Variants in CADM2 observed in about 807,000 individuals in gnomAD.
CADM2 encodes immunoglobulin superfamily member 4D.
A neutral mutation model predicts 49.8 loss-of-function variants in CADM2; 12 were observed. That is an observed-to-expected ratio of 0.24 (90% CI 0.15 to 0.39). CADM2 has a LOEUF of 0.39. CADM2 is among the 10% of genes least tolerant of loss of function. CADM2 has a pLI of 1.00. For synonymous variants in CADM2, 214 were observed against 175.4 expected (o/e 1.22, Z -1.74); for missense variants, 378 against 492.3 (o/e 0.77, Z 2.20).
chr3:85,960,738 G>T (rs1447298073), intron 7 of CADM2, among the ~76,000 whole-genome samples: 1 of 151,660 alleles, frequency 6.6e-6, no homozygotes. Flanking sequence ...CATATTTTGA[G>T]ATAGGGCTCC....
intron 8 of CADM2, among the ~76,000 whole-genome samples, chr3:86,051,289 C>T (rs1434983513): frequency 6.6e-6 from 1 of 152,120 alleles, no homozygotes; most frequent in Non-Finnish European, 1.5e-5. Flanking sequence ...GACCTTTGCT[C>T]CAGTTCCCAG....
chr3:85,226,089 G>A (rs748791639), intron 1 of CADM2, among the ~76,000 whole-genome samples: 36 of 152,160 alleles, frequency 2.4e-4, no homozygotes, highest in Non-Finnish European at 3.8e-4. Context: ...TGTTGTTGTT[G>A]TGTCTCTGCC....
chr3:85,198,643 G>A (rs1227609633), intron 1 of CADM2, among the ~76,000 whole-genome samples: 1 of 151,566 alleles, frequency 6.6e-6, no homozygotes, highest in African/African-American at 2.4e-5. Flanking sequence ...TTAATTTATG[G>A]TATACATTTT....
chr3:85,332,248 T>C (rs1416558593), intron 1 of CADM2, among the ~76,000 whole-genome samples: 1 of 152,074 alleles, frequency 6.6e-6, no homozygotes, highest in East Asian at 1.9e-4. Context: ...ATTTTTACTG[T>C]TGGATCCTGA....
At chr3:85,680,731 C>T (rs1383612414) in intron 1 of CADM2, among the ~76,000 whole-genome samples, 1 of 152,164 alleles carries the variant, frequency 6.6e-6, no homozygotes, top group Non-Finnish European at 1.5e-5. Flanking sequence ...CTAATTAGCA[C>T]TTTGTTCTTT....
At chr3:85,446,637 T>C (rs2037467869) in intron 1 of CADM2, among the ~76,000 whole-genome samples, 1 of 148,810 alleles carries the variant, frequency 6.7e-6, no homozygotes, top group Non-Finnish European at 1.5e-5. Flanking sequence ...AGTTTCATTC[T>C]TGTTGCCCAG....
chr3:85,562,478 C>CA (rs10533481), intron 1 of CADM2, among the ~76,000 whole-genome samples: 1,701 of 65,496 alleles, frequency 0.026, 218 homozygotes, highest in African/African-American at 0.1. Flanking sequence ...AACTCCATCT[C>CA]AAAAAAAAAA....
chr3:85,165,762 A>G (rs2040455333), intron 1 of CADM2, among the ~76,000 whole-genome samples: 1 of 151,734 alleles, frequency 6.6e-6, no homozygotes, highest in Admixed American at 6.6e-5. Flanking sequence ...ATTGATAACT[A>G]TTTTTCTCAG....
At chr3:85,198,947 C>T (rs954381983) in intron 1 of CADM2, among the ~76,000 whole-genome samples, 1 of 151,826 alleles carries the variant, frequency 6.6e-6, no homozygotes, top group Non-Finnish European at 1.5e-5. Flanking sequence ...ATTTATTTCT[C>T]CATATTTGAA....
At chr3:85,139,539 T>C (rs1014906386) in intron 1 of CADM2, among the ~76,000 whole-genome samples, 7 of 152,288 alleles carry the variant, frequency 4.6e-5, no homozygotes, top group Non-Finnish European at 8.8e-5. Context: ...TATTGATTTA[T>C]TTTGCCTTTA....
intron 8 of CADM2, among the ~76,000 whole-genome samples, chr3:86,041,946 G>T (rs138809415): frequency 6.6e-6 from 1 of 152,066 alleles, no homozygotes; most frequent in East Asian, 1.9e-4. Context: ...GCTCAACTAC[G>T]TGGAAGCTGA....
intron 1 of CADM2, among the ~76,000 whole-genome samples, chr3:85,495,231 C>T (rs1026945211): frequency 2.0e-5 from 3 of 152,116 alleles, no homozygotes; most frequent in African/African-American, 4.8e-5. Context: ...AGAGTGACGA[C>T]TAATGTTAAT....
intron 1 of CADM2, among the ~76,000 whole-genome samples, chr3:85,553,579 A>G (rs914380906): frequency 3.3e-5 from 5 of 152,184 alleles, no homozygotes; most frequent in East Asian, 1.9e-4. Context: ...TCTAATTATA[A>G]TATCTTCCTA....
At position 85,452,690 on chromosome 3, in the gene CADM2, A is replaced by G. The variant is rs953021012; in HGVS notation, c.62-273832A>G. The stretch of plus-strand genomic sequence containing the variant: ...TAGAAATTATCTCCTAGCTCATCCT[A>G]AGAGATAATTCTCAGAAGAACTGTC... On this transcript the variant is annotated intron_variant, in intron 1 of 9. Transcript: ENST00000383699. Among the ~76,000 whole-genome samples, 6 of 152,242 alleles carry G rather than the reference A, an allele frequency of 3.9e-5. No homozygotes were observed. In the South Asian group the frequency reaches 8.3e-4, roughly 21 times the overall value.
chr3:85,645,319 C>A (rs867063117), intron 1 of CADM2, among the ~76,000 whole-genome samples: 1 of 151,678 alleles, frequency 6.6e-6, no homozygotes, highest in Non-Finnish European at 1.5e-5. Flanking sequence ...AGACAAGCTG[C>A]GTTTTAAACA....
intron 8 of CADM2, among the ~76,000 whole-genome samples, chr3:85,985,481 T>C (rs1013200178): frequency 6.6e-6 from 1 of 151,998 alleles, no homozygotes; most frequent in African/African-American, 2.4e-5. Flanking sequence ...TTGTGACATA[T>C]GTTTAAAAAG....
intron 1 of CADM2, among the ~76,000 whole-genome samples, chr3:85,629,278 A>G (rs2064231480): frequency 6.6e-6 from 1 of 151,896 alleles, no homozygotes. Flanking sequence ...CTACTTCAGA[A>G]ACAGAACACT....
intron 1 of CADM2, among the ~76,000 whole-genome samples, chr3:85,591,884 T>A (rs2107346103): frequency 6.6e-6 from 1 of 152,096 alleles, no homozygotes; most frequent in South Asian, 2.1e-4. Context: ...GAAATTTGCA[T>A]CTAAGTAGCA....
chr3:85,400,419 T>A (rs1452819699), intron 1 of CADM2, among the ~76,000 whole-genome samples: 1 of 152,120 alleles, frequency 6.6e-6, no homozygotes, highest in Admixed American at 6.5e-5. Context: ...TCTTTTTTTG[T>A]TGTGTTTCTG....
Sources: allele counts gnomAD v4.1 joint callset (sites outside exome capture counted in the v4.1 genomes callset), GRCh38; gene constraint gnomAD v4.1.1; transcripts MANE v1.5; gene names NCBI Gene and HGNC (gene_info 2026-07-23, HGNC 2026-07-21).